The following UBE4B variants were observed in gnomAD, a reference collection of about 807,000 sequenced individuals.
UBE4B encodes the protein ubiquitination factor E4B.
UBE4B carries 27 observed loss-of-function variants against 148.1 expected under a neutral mutation model. The observed-to-expected ratio is 0.18, with a 90% CI of 0.13 to 0.25. UBE4B has a LOEUF of 0.25. Ranked by LOEUF, UBE4B falls within the 10% of genes least tolerant of loss-of-function variation. The pLI, the probability that UBE4B is intolerant of heterozygous loss-of-function variation, is 1.00. For missense variants in UBE4B, 1,170 were observed against 1,662.4 expected (o/e 0.70, Z 5.15); for synonymous variants, 596 against 619.3 (o/e 0.96, Z 0.56).
At chr1:10,117,140 C>A (rs1645325276) in intron 7 of UBE4B, among the ~76,000 whole-genome samples, 1 of 152,156 alleles carries the variant, frequency 6.6e-6, no homozygotes, top group African/African-American at 2.4e-5. Context: ...CTGAGTGATG[C>A]CATTCTTTTT....
intron 2 of UBE4B, among the ~76,000 whole-genome samples, chr1:10,075,020 A>G (rs1644554103): frequency 6.6e-6 from 1 of 152,120 alleles, no homozygotes; most frequent in African/African-American, 2.4e-5. Flanking sequence ...CTCACATTTT[A>G]TCTTCTCCCA....
chr1:10,171,390 A>G, intron 25 of UBE4B, 61 bp downstream of exon 25: 1 of 1,570,106 alleles, frequency 6.4e-7, no homozygotes, highest in East Asian at 2.3e-5. Context: ...TAATAACCAC[A>G]GTGGCCAGGG....
At chr1:10,084,378 C>G (rs1644730582) in intron 2 of UBE4B, among the ~76,000 whole-genome samples, 1 of 152,078 alleles carries the variant, frequency 6.6e-6, no homozygotes, top group African/African-American at 2.4e-5. Context: ...TCATCATGTT[C>G]CACCCTCTTC....
intron 25 of UBE4B, among the ~76,000 whole-genome samples, chr1:10,172,476 C>G (rs11121524): frequency 0.2 from 30,773 of 152,092 alleles, 5,503 homozygotes; most frequent in African/African-American, 0.48. Context: ...AGGCATGATC[C>G]ATGTCCAGGC....
rs1164464145 is a variant in UBE4B, at chr1:10,162,466, C to G, written c.3198+1180C>G. Among the ~76,000 whole-genome samples the G allele has an allele frequency of 3.3e-5, 5 of 152,220 alleles. No homozygotes were observed. The South Asian group carries it at 1.0e-3, about 32-fold the overall frequency. On this transcript the variant is annotated intron_variant, in intron 23 of 27. Coordinates refer to ENST00000343090, the MANE Select transcript of UBE4B (RefSeq NM_001105562.3). ...GGGATTACAGGCGTGAGCCATTGCACCCGGACAATTTTTGTATTTTTAGTA... is the reference window on the plus strand; with the variant it reads ...GGGATTACAGGCGTGAGCCATTGCAGCCGGACAATTTTTGTATTTTTAGTA...
intron 25 of UBE4B, among the ~76,000 whole-genome samples, chr1:10,175,429 A>G (rs946682094): frequency 3.9e-5 from 6 of 152,068 alleles, no homozygotes; most frequent in African/African-American, 1.4e-4. Context: ...AGGCGGGCGG[A>G]TCACAAGGTC....
At chr1:10,126,331 A>ATAGAT (rs2101932856) in intron 10 of UBE4B, among the ~76,000 whole-genome samples, 1 of 152,212 alleles carries the variant, frequency 6.6e-6, no homozygotes, top group African/African-American at 2.4e-5. Flanking sequence ...AGATAGATAG[A>ATAGAT]TAGATAGATA....
rs148749176 is a variant in UBE4B at position 10,052,840 on chromosome 1, G to A, written c.24+19146G>A. The stretch of plus-strand genomic sequence containing the variant: ...ACACAGCAGCAATTTGTTATTCACC[G>A]TTCTGCATTCTGGAGGCTGAGAAGT... On this transcript the variant is annotated intron_variant, in intron 1 of 27. Transcript: ENST00000343090. 8.5e-5 allele frequency among the ~76,000 whole-genome samples: 13 copies of A among 152,260 alleles called. 1 individual carries two copies. The highest frequency in any genetic ancestry group is 2.4e-4 in the African/African-American group (10 of 41,562).
At chr1:10,033,960 GT>G (rs1480143437) in intron 1 of UBE4B, among the ~76,000 whole-genome samples, 1 of 152,132 alleles carries the variant, frequency 6.6e-6, no homozygotes, top group Admixed American at 6.6e-5. Flanking sequence ...ATCTTGAGGT[GT>G]TTATTCTTTT....
At chr1:10,040,142 T>G (rs1341705100) in intron 1 of UBE4B, among the ~76,000 whole-genome samples, 1 of 152,074 alleles carries the variant, frequency 6.6e-6, no homozygotes, top group African/African-American at 2.4e-5. Context: ...TTTCGTCTTT[T>G]GAGACAGGGT....
intron 10 of UBE4B, among the ~76,000 whole-genome samples, chr1:10,125,847 A>G (rs1457479454): frequency 6.6e-6 from 1 of 152,198 alleles, no homozygotes; most frequent in African/African-American, 2.4e-5. Context: ...TAATTACACT[A>G]TATGTGGAGG....
intron 7 of UBE4B, among the ~76,000 whole-genome samples, chr1:10,110,654 T>A (rs1645202720): frequency 6.6e-6 from 1 of 152,120 alleles, no homozygotes; most frequent in Non-Finnish European, 1.5e-5. Context: ...AGAAAGAAAT[T>A]TGGTGGTTTT....
chr1:10,066,534 T>C (rs1446088750), intron 1 of UBE4B, among the ~76,000 whole-genome samples: 1 of 152,082 alleles, frequency 6.6e-6, no homozygotes, highest in Non-Finnish European at 1.5e-5. Context: ...AGATTAGGCC[T>C]ACTGTGAAAT....
chr1:10,117,061 C>T (rs1177767490), intron 7 of UBE4B, among the ~76,000 whole-genome samples: 1 of 152,128 alleles, frequency 6.6e-6, no homozygotes. Flanking sequence ...TTTTGTCAGT[C>T]CCTTATAACT....
rs148027900 is a variant in UBE4B at position 10,158,477 on chromosome 1, G to A, written c.3048G>A (p.Glu1016=). ...CTCACCATGGCACCTTTATGGAGGA[G>A]TTCAAGTGAGTATGGGGCCCCTCGT... ...NIAHHGTFME[E]FNSGKQFVRY... The change falls in exon 22 of 28, where the codon GAG becomes GAA. Residue 1016 remains glutamate, a synonymous_variant. Coordinates refer to ENST00000343090, the MANE Select transcript of UBE4B (RefSeq NM_001105562.3). 78 of 1,613,658 alleles carry A rather than the reference G, an allele frequency of 4.8e-5. No individual in the cohort carries two copies. The African/African-American group carries it at 9.5e-4, about 20-fold the overall frequency.
chr1:10,036,759 T>A (rs1231586721), intron 1 of UBE4B, among the ~76,000 whole-genome samples: 4 of 152,196 alleles, frequency 2.6e-5, no homozygotes, highest in South Asian at 2.1e-4. Context: ...GTGTCAGATA[T>A]GGTAGGTGAC....
At chr1:10,036,544 A>C (rs1464824876) in intron 1 of UBE4B, among the ~76,000 whole-genome samples, 1 of 151,446 alleles carries the variant, frequency 6.6e-6, no homozygotes, top group African/African-American at 2.4e-5. Context: ...CATGTTTCCC[A>C]GGATGGTCTC....
intron 25 of UBE4B, 142 bp downstream of exon 25, chr1:10,171,471 C>T (rs1200384002): frequency 5.7e-6 from 6 of 1,045,386 alleles, no homozygotes; most frequent in East Asian, 2.6e-5. Context: ...TTGGGCTGGG[C>T]GCGGTGGCTC....
At chr1:10,126,714 T>A (rs917718712) in intron 10 of UBE4B, 80 bp from the exon 11 acceptor site, 1 of 1,254,374 alleles carries the variant, frequency 8.0e-7, no homozygotes, top group African/African-American at 1.5e-5. Context: ...GGACATTCAG[T>A]TCTAGCACCT....
Sources: gnomAD v4.1 joint callset for allele counts (sites outside exome capture counted in the v4.1 genomes callset) on GRCh38, gnomAD v4.1.1 for gene constraint, MANE v1.5 for transcripts, NCBI Gene and HGNC (gene_info 2026-07-23, HGNC 2026-07-21) for gene names.